CYP7B1: variants seen among roughly 807,000 people sequenced by gnomAD.
The protein encoded by CYP7B1 is cytochrome P450 family 7 subfamily B member 1.
A neutral mutation model predicts 42.7 loss-of-function variants in CYP7B1; 29 were observed. That is an observed-to-expected ratio of 0.68 (90% CI 0.51 to 0.93). The LOEUF (loss-of-function observed/expected upper bound fraction) is 0.93. Among genes scored for constraint, CYP7B1 ranks in the 40% least tolerant of loss-of-function variants. The probability of loss-of-function intolerance (pLI) is 0.00; values close to 1 mark genes in which losing one functional copy is unlikely to be tolerated. For missense variants in CYP7B1, 655 were observed against 600.5 expected, an observed-to-expected ratio of 1.09 and a Z score of -0.95; for synonymous variants, 235 against 218.2, an observed-to-expected ratio of 1.08 and a Z score of -0.68.
chr8:64,722,743 C>CGGGG lies in CYP7B1; in HGVS notation c.122+75719_122+75722dup, dbSNP rs71260899. Among the ~76,000 whole-genome samples, 6 of 7,654 alleles carry CGGGG rather than the reference C, an allele frequency of 7.8e-4. 1 individual carries two copies. The highest frequency in any genetic ancestry group is 2.9e-3 in the Admixed American group (1 of 346). 5.0% of individuals were successfully genotyped at this position (7,654 alleles called of 152,430 possible). A position where few individuals can be genotyped will look rare whatever the true frequency, so the allele number is the denominator to read the frequency against. On this transcript the variant is annotated intron_variant, in intron 1 of 5. Transcript: ENST00000310193. ...AAGGGAGTAGAATGATTTTTTGCGGCGGGGGGGGGGGGGCGGGAGGTTTTT... is the reference window on the plus strand; with the variant it reads ...AAGGGAGTAGAATGATTTTTTGCGGCGGGGGGGGGGGGGGGGGCGGGAGGTTTTT...
intron 1 of CYP7B1, among the ~76,000 whole-genome samples, chr8:64,670,829 C>T (rs749017273): frequency 2.6e-5 from 4 of 152,124 alleles, no homozygotes; most frequent in Non-Finnish European, 5.9e-5. Context: ...CTTTGCTCAT[C>T]CCTTCCTTTC....
chr8:64,772,060 T>G (rs145965950), intron 1 of CYP7B1, among the ~76,000 whole-genome samples: 78 of 152,342 alleles, frequency 5.1e-4, no homozygotes, highest in African/African-American at 1.7e-3. Context: ...TTGCTTCCTA[T>G]TTGATAAGAA....
intron 2 of CYP7B1, among the ~76,000 whole-genome samples, chr8:64,619,912 C>A (rs1266933147): frequency 6.6e-6 from 1 of 151,926 alleles, no homozygotes; most frequent in Non-Finnish European, 1.5e-5. Flanking sequence ...GAATTGGCTG[C>A]TTGGCATAGA....
chr8:64,683,483 A>G (rs1806570746), intron 1 of CYP7B1, among the ~76,000 whole-genome samples: 1 of 152,218 alleles, frequency 6.6e-6, no homozygotes, highest in Non-Finnish European at 1.5e-5. Flanking sequence ...GTTAATGGGT[A>G]CAAAAAAATA....
At chr8:64,688,417 C>G (rs1458487606) in intron 1 of CYP7B1, among the ~76,000 whole-genome samples, 1 of 139,690 alleles carries the variant, frequency 7.2e-6, no homozygotes, top group African/African-American at 2.6e-5. Flanking sequence ...TCTTTATTCA[C>G]TTATCTATTT....
At chr8:64,777,227 A>G (rs77340420) in intron 1 of CYP7B1, among the ~76,000 whole-genome samples, 2,968 of 151,866 alleles carry the variant, frequency 0.02, 103 homozygotes, top group African/African-American at 0.066. Context: ...AAGGTGAGTA[A>G]GCATAATTAG....
chr8:64,618,727 CA>C (rs1037362505), intron 2 of CYP7B1, among the ~76,000 whole-genome samples: 5 of 152,018 alleles, frequency 3.3e-5, no homozygotes, highest in Admixed American at 6.6e-5. Flanking sequence ...TGAATGTGGA[CA>C]AAATGGTTCA....
At chr8:64,683,241 A>G (rs773831631) in intron 1 of CYP7B1, among the ~76,000 whole-genome samples, 9 of 152,228 alleles carry the variant, frequency 5.9e-5, no homozygotes, top group South Asian at 2.1e-4. Flanking sequence ...CATATACCCA[A>G]TGGAGTACTA....
intron 1 of CYP7B1, among the ~76,000 whole-genome samples, chr8:64,658,015 T>A (rs1585837198): frequency 6.6e-6 from 1 of 152,204 alleles, no homozygotes; most frequent in Non-Finnish European, 1.5e-5. Context: ...AAGTGGCTCC[T>A]TCTACCTGTA....
chr8:64,597,992 T>G (rs1368323612), intron 5 of CYP7B1, among the ~76,000 whole-genome samples: 1 of 152,222 alleles, frequency 6.6e-6, no homozygotes, highest in Non-Finnish European at 1.5e-5. Flanking sequence ...TCATCACAAA[T>G]GATTTACTTT....
intron 1 of CYP7B1, among the ~76,000 whole-genome samples, chr8:64,761,315 C>G (rs995052287): frequency 2.0e-5 from 3 of 151,962 alleles, no homozygotes; most frequent in African/African-American, 7.2e-5. Flanking sequence ...TTGAAATTTG[C>G]TAAATGACTA....
Position 64,798,711 on chromosome 8 carries a change from C to G in CYP7B1, c.-124G>C. 1 of 1,111,506 alleles carries G rather than the reference C, an allele frequency of 9.0e-7. No homozygotes were observed. The highest frequency in any genetic ancestry group is 1.2e-6 in the Non-Finnish European group (1 of 837,400). The allele number at this position is 1,111,506 out of a possible 1,614,324, so 68.9% of individuals were successfully genotyped here. A position where few individuals can be genotyped will look rare whatever the true frequency, so the allele number is the denominator to read the frequency against. On this transcript the variant is annotated 5_prime_UTR_variant, in exon 1 of 6. Coordinates refer to ENST00000310193, the MANE Select transcript of CYP7B1 (RefSeq NM_004820.5). ...CCTAGTCCAGGGCCGGAGAGGCTGG[C>G]CTGCCCGCAGCGCAGACAGGAATGT...
At chr8:64,697,260 T>C (rs980985237) in intron 1 of CYP7B1, among the ~76,000 whole-genome samples, 46 of 152,340 alleles carry the variant, frequency 3.0e-4, no homozygotes, top group African/African-American at 1.0e-3. Flanking sequence ...AGAACTAAAA[T>C]TGTGTTACAA....
chr8:64,798,658 C>G lies in CYP7B1; in HGVS notation c.-71G>C, dbSNP rs1178823497. On this transcript the variant is annotated 5_prime_UTR_variant, in exon 1 of 6. Transcript: ENST00000310193. ...AACAGCGCGGTCGGCGACTCTGCAG[C>G]CTGCGGCGGCTTCTCTCGGCGGCGC... is the stretch of plus-strand genomic sequence containing the variant. 2.1e-6 allele frequency: 3 copies of G among 1,414,212 alleles called. No homozygotes were observed. Among genetic ancestry groups the G allele is most frequent in the Non-Finnish European group, 2.7e-6 (3 of 1,091,488 alleles). The allele number at this position is 1,414,212 out of a possible 1,614,324, so 87.6% of individuals were successfully genotyped here.
chr8:64,748,060 G>A (rs1224166347), intron 1 of CYP7B1, among the ~76,000 whole-genome samples: 2 of 152,154 alleles, frequency 1.3e-5, no homozygotes, highest in African/African-American at 4.8e-5. Flanking sequence ...ACAACGAGAA[G>A]ATTTTTGAGC....
At chr8:64,731,301 G>A (rs1379955578) in intron 1 of CYP7B1, among the ~76,000 whole-genome samples, 4 of 152,152 alleles carry the variant, frequency 2.6e-5, no homozygotes, top group Non-Finnish European at 5.9e-5. Context: ...GAACTTCCTG[G>A]TCTCAGATGG....
intron 4 of CYP7B1, among the ~76,000 whole-genome samples, chr8:64,614,339 T>C (rs930771960): frequency 1.3e-5 from 2 of 152,112 alleles, no homozygotes; most frequent in African/African-American, 2.4e-5. Context: ...ATACTTGAAA[T>C]AGTGACCATG....
chr8:64,687,077 A>C (rs1339952790), intron 1 of CYP7B1, among the ~76,000 whole-genome samples: 1 of 148,652 alleles, frequency 6.7e-6, no homozygotes, highest in Non-Finnish European at 1.5e-5. Context: ...CTATTGTCCC[A>C]TGACCCTGCC....
intron 1 of CYP7B1, among the ~76,000 whole-genome samples, chr8:64,730,751 G>GCACACA (rs61050207): frequency 0.11 from 15,776 of 142,766 alleles, 1,114 homozygotes; most frequent in African/African-American, 0.2. Flanking sequence ...AGGACTGTCT[G>GCACACA]CACACACACA....
Sources: gnomAD v4.1 joint callset for allele counts (sites outside exome capture counted in the v4.1 genomes callset) on GRCh38, gnomAD v4.1.1 for gene constraint, MANE v1.5 for transcripts, NCBI Gene and HGNC (gene_info 2026-07-23, HGNC 2026-07-21) for gene names.